The following IQGAP3 variants were observed in gnomAD, a reference collection of about 807,000 sequenced individuals.
The protein encoded by IQGAP3 is IQ motif containing GTPase activating protein 3.
IQGAP3 carries 165 observed loss-of-function variants against 208.2 expected under a neutral mutation model. That is an observed-to-expected ratio of 0.79 (90% CI 0.70 to 0.90). The LOEUF is 0.90. Among genes scored for constraint, IQGAP3 ranks in the 40% least tolerant of loss-of-function variants. IQGAP3 has a pLI of 0.00. For missense variants in IQGAP3, 1,811 were observed against 2,043.1 expected, an observed-to-expected ratio of 0.89 and a Z score of 2.19; for synonymous variants, 703 against 803.6, an observed-to-expected ratio of 0.87 and a Z score of 2.12.
chr1:156,566,754 C>T (rs1026398790), intron 2 of IQGAP3, among the ~76,000 whole-genome samples: 1 of 152,116 alleles, frequency 6.6e-6, no homozygotes, highest in Admixed American at 6.5e-5. Context: ...GACTGGCCAA[C>T]CCTCAGCCCC....
chr1:156,537,933 G>A (rs1001149514), intron 26 of IQGAP3, among the ~76,000 whole-genome samples: 1 of 145,518 alleles, frequency 6.9e-6, no homozygotes, highest in Non-Finnish European at 1.5e-5. Flanking sequence ...GTCTCACTCT[G>A]TTGCCTAGAG....
chr1:156,556,771 G>T, intron 11 of IQGAP3, 78 bp from the exon 12 acceptor site: 1 of 1,340,028 alleles, frequency 7.5e-7, no homozygotes, highest in Non-Finnish European at 9.9e-7. Flanking sequence ...ACTAGGCTCC[G>T]CCGGGGGATC....
chr1:156,547,211 C>T (rs867504740), intron 19 of IQGAP3, among the ~76,000 whole-genome samples: 20 of 152,056 alleles, frequency 1.3e-4, no homozygotes, highest in African/African-American at 4.1e-4. Flanking sequence ...GGACCATCCA[C>T]GGGTTGGAAG....
chr1:156,559,703 G>A (rs1214289284), intron 11 of IQGAP3, among the ~76,000 whole-genome samples: 9 of 152,174 alleles, frequency 5.9e-5, no homozygotes, highest in East Asian at 3.8e-4. Flanking sequence ...CCAGAAGCCC[G>A]GTGATGGGAA....
At chr1:156,547,402 C>G (rs866384146) in intron 19 of IQGAP3, among the ~76,000 whole-genome samples, 6 of 150,830 alleles carry the variant, frequency 4.0e-5, no homozygotes, top group East Asian at 1.9e-4. Flanking sequence ...CACACACACA[C>G]ACACACACAC....
At chr1:156,528,163 A>G (rs1027172347) in intron 36 of IQGAP3, 103 bp from the exon 37 acceptor site, 3 of 866,948 alleles carry the variant, frequency 3.5e-6, no homozygotes, top group African/African-American at 3.3e-5. Context: ...GGTGTCATCC[A>G]GAACCAGTTT....
chr1:156,561,276 C>A (rs1676139083), intron 10 of IQGAP3, among the ~76,000 whole-genome samples: 1 of 151,988 alleles, frequency 6.6e-6, no homozygotes, highest in Non-Finnish European at 1.5e-5. Flanking sequence ...TCAAGCGATT[C>A]TCTGCCGAAG....
intron 10 of IQGAP3, 72 bp from the exon 11 acceptor site, chr1:156,561,093 A>G: frequency 9.2e-7 from 1 of 1,089,186 alleles, no homozygotes; most frequent in Non-Finnish European, 1.4e-6. Flanking sequence ...AGTTGCCAGC[A>G]TGAGCTCCCA....
intron 3 of IQGAP3, 138 bp downstream of exon 3, chr1:156,566,252 C>A: frequency 1.6e-6 from 2 of 1,218,724 alleles, no homozygotes; most frequent in South Asian, 1.4e-5. Flanking sequence ...CCTACCAGGA[C>A]AGAGAAACAT....
chr1:156,546,617 T>A (rs1458413455), intron 19 of IQGAP3, among the ~76,000 whole-genome samples: 4 of 152,184 alleles, frequency 2.6e-5, no homozygotes, highest in African/African-American at 9.7e-5. Flanking sequence ...AAGTGCTACA[T>A]GTAATTTTCC....
At chr1:156,558,405 T>C (rs1185467580) in intron 11 of IQGAP3, among the ~76,000 whole-genome samples, 5 of 19,516 alleles carry the variant, frequency 2.6e-4, no homozygotes, top group African/African-American at 5.3e-4. Flanking sequence ...CCAGCCGCCC[T>C]ATCCAGGAGG....
rs932853971 is a variant in IQGAP3 at position 156,531,227 on chromosome 1, T to C, written c.4124A>G (p.Asp1375Gly). Residue 1375 changes from aspartate (D) to glycine (G), a missense_variant, in exon 33 of 38, where the codon GAT becomes GGT. By Grantham distance (94) the Asp-to-Gly change is moderately conservative. Coordinates refer to ENST00000361170, the MANE Select transcript of IQGAP3 (RefSeq NM_178229.5). ...LLLSTKQLLA[D>G]IIQFHPGDTL... ...GTCCCCAGGATGGAACTGTATGATA[T>C]CGGCCAACAGCTGCTTGGTGCTGCA... 1 of 1,613,650 alleles carries C rather than the reference T, an allele frequency of 6.2e-7. No individual in the cohort carries two copies. The highest frequency in any genetic ancestry group is 8.5e-7 in the Non-Finnish European group (1 of 1,179,840).
intron 19 of IQGAP3, among the ~76,000 whole-genome samples, chr1:156,547,681 G>C (rs1028893648): frequency 1.3e-5 from 2 of 152,168 alleles, no homozygotes; most frequent in African/African-American, 4.8e-5. Flanking sequence ...GGATAGTGAC[G>C]ATAATGATAT....
chr1:156,541,471 T>C (rs1674973735), intron 22 of IQGAP3, among the ~76,000 whole-genome samples: 1 of 152,132 alleles, frequency 6.6e-6, no homozygotes, highest in African/African-American at 2.4e-5. Context: ...ACCTTTGGAA[T>C]TGGCATTTGA....
intron 33 of IQGAP3, 58 bp from the exon 34 acceptor site, chr1:156,530,375 C>G (rs539444768): frequency 2.1e-5 from 30 of 1,458,794 alleles, no homozygotes; most frequent in African/African-American, 5.5e-5. Flanking sequence ...GCTCCCACAC[C>G]AGTGAAGGTC....
Position 156,554,384 on chromosome 1 carries a change from G to A in IQGAP3, c.1299C>T (p.Gly433=). 2 of 1,605,436 alleles carry A rather than the reference G, an allele frequency of 1.2e-6. No homozygotes were observed. Among genetic ancestry groups the A allele is most frequent in the South Asian group, 1.1e-5 (1 of 89,988 alleles). The change falls in exon 13 of 38, where the codon GGC becomes GGT. Residue 433 remains glycine (G), a synonymous_variant. Coordinates refer to ENST00000361170, the MANE Select transcript of IQGAP3 (RefSeq NM_178229.5). The stretch of plus-strand genomic sequence containing the variant: ...CCACAGCCACGAAGAGCTCCTCCTG[G>A]CCAAGCTCCTACAATGGGTGGGAGG... ...AVLQQQQGEL[G]QEELFVAVEM...
chr1:156,539,555 G>A lies in IQGAP3; in HGVS notation c.2893-18C>T. 2 of 1,613,646 alleles carry A rather than the reference G, an allele frequency of 1.2e-6. No homozygotes were observed. Among genetic ancestry groups the A allele is most frequent in the Non-Finnish European group, 1.7e-6 (2 of 1,179,624 alleles). ...GGCTGAGTCTGCAAGCAAGAGGGGA[G>A]ACAGGAATGGCTGACCATGCACTTC... On this transcript the variant is annotated intron_variant, in intron 24 of 37. Transcript: ENST00000361170.
chr1:156,563,406 C>T, intron 7 of IQGAP3, 94 bp from the exon 8 acceptor site: 1 of 1,419,136 alleles, frequency 7.0e-7, no homozygotes, highest in Admixed American at 2.3e-5. Flanking sequence ...CATCCTTTTT[C>T]CCACCCTCAA....
In IQGAP3 at chr1:156,551,089, G is replaced by GTT. The variant is rs1675524442; in HGVS notation, c.1734+615_1734+616insAA. ...CACATAAAATGATGCTTGGCACAGA[G>GTT]TAAGGACTCAATAAATGTTAGCCAG... On this transcript the variant is annotated intron_variant, in intron 15 of 37. Transcript: ENST00000361170. Among the ~76,000 whole-genome samples the GTT allele has an allele frequency of 3.3e-5, 5 of 152,234 alleles. No homozygotes were observed. In the South Asian group the frequency reaches 1.0e-3, roughly 31 times the overall value.
Sources: gnomAD v4.1 joint callset for allele counts (sites outside exome capture counted in the v4.1 genomes callset) on GRCh38, gnomAD v4.1.1 for gene constraint, MANE v1.5 for transcripts, NCBI Gene and HGNC (gene_info 2026-07-23, HGNC 2026-07-21) for gene names.